The following SEMA4D variants were observed in gnomAD, a reference collection of about 807,000 sequenced individuals.
The protein encoded by SEMA4D is semaphorin-4D.
Under a neutral mutation model 74.8 loss-of-function variants are expected in SEMA4D, and 22 were observed. The ratio of observed to expected loss-of-function variants is 0.29; its 90% CI spans 0.21 to 0.42. The LOEUF (loss-of-function observed/expected upper bound fraction) is 0.42. Ranked by LOEUF, SEMA4D falls within the 10% of genes least tolerant of loss-of-function variation. The pLI is 1.00. For synonymous variants in SEMA4D, 445 were observed against 463.7 expected, an observed-to-expected ratio of 0.96 and a Z score of 0.52; for missense variants, 937 against 1,118.4, an observed-to-expected ratio of 0.84 and a Z score of 2.31.
At chr9:89,443,501 G>A (rs987807673) in intron 2 of SEMA4D, among the ~76,000 whole-genome samples, 1 of 152,228 alleles carries the variant, frequency 6.6e-6, no homozygotes, top group Admixed American at 6.5e-5. Flanking sequence ...GTAAAGCACA[G>A]CGTGGACTCC....
At chr9:89,470,783 A>G (rs908751912) in intron 1 of SEMA4D, among the ~76,000 whole-genome samples, 1 of 152,254 alleles carries the variant, frequency 6.6e-6, no homozygotes, top group Non-Finnish European at 1.5e-5. Flanking sequence ...TGGTGAGTGA[A>G]AGAAGTCAAT....
At chr9:89,386,087 C>T (rs561303395) in intron 13 of SEMA4D, 2 of 985,272 alleles carry the variant, frequency 2.0e-6, no homozygotes, top group Non-Finnish European at 2.4e-6. Context: ...CAGTGCCCAC[C>T]TCTCCACAGC....
intron 2 of SEMA4D, among the ~76,000 whole-genome samples, chr9:89,406,857 G>A (rs529677729): frequency 6.6e-6 from 1 of 152,084 alleles, no homozygotes; most frequent in African/African-American, 2.4e-5. Context: ...AGACACAGCC[G>A]AAACAGAACC....
At chr9:89,430,287 A>G (rs1848985871) in intron 2 of SEMA4D, among the ~76,000 whole-genome samples, 1 of 152,076 alleles carries the variant, frequency 6.6e-6, no homozygotes, top group African/African-American at 2.4e-5. Flanking sequence ...CAAAGAGCAA[A>G]CCCTCCAGAC....
chr9:89,375,354 C>T (rs1196822450), downstream of SEMA4D, among the ~76,000 whole-genome samples: 1 of 152,204 alleles, frequency 6.6e-6, no homozygotes, highest in East Asian at 1.9e-4. Context: ...GTCCGTAGCA[C>T]CCAGTGGAGG....
At chr9:89,463,816 C>T (rs2135771666) in intron 1 of SEMA4D, among the ~76,000 whole-genome samples, 1 of 152,236 alleles carries the variant, frequency 6.6e-6, no homozygotes, top group African/African-American at 2.4e-5. Flanking sequence ...CACCTGTAAT[C>T]CCAGCTACTT....
intron 1 of SEMA4D, among the ~76,000 whole-genome samples, chr9:89,476,334 A>G (rs1861744327): frequency 6.6e-6 from 1 of 152,232 alleles, no homozygotes; most frequent in South Asian, 2.1e-4. Flanking sequence ...GACCAGTGTG[A>G]TGGCTGATGT....
At chr9:89,464,980 C>T (rs749350626) in intron 1 of SEMA4D, among the ~76,000 whole-genome samples, 3 of 152,210 alleles carry the variant, frequency 2.0e-5, no homozygotes. Flanking sequence ...ACCATGTCCT[C>T]TCTATAGCTA....
chr9:89,443,005 C>T (rs576007304), intron 2 of SEMA4D, among the ~76,000 whole-genome samples: 1 of 152,326 alleles, frequency 6.6e-6, no homozygotes, highest in East Asian at 1.9e-4. Flanking sequence ...GGACCGTGCT[C>T]AGCAGCAGGA....
At chr9:89,429,919 C>A (rs1027483750) in intron 2 of SEMA4D, among the ~76,000 whole-genome samples, 18 of 152,040 alleles carry the variant, frequency 1.2e-4, no homozygotes, top group African/African-American at 4.1e-4. Flanking sequence ...TGGGGTCAAG[C>A]TTTGCCAAAT....
In SEMA4D at chr9:89,478,922, G is replaced by A. The variant is rs1862466214; in HGVS notation, c.-310+18997C>T. Among the ~76,000 whole-genome samples, 2 of 152,108 alleles carry A rather than the reference G, an allele frequency of 1.3e-5. 1 individual carries two copies. The highest frequency in any genetic ancestry group is 2.9e-5 in the Non-Finnish European group (2 of 68,006). On this transcript the variant is annotated intron_variant, in intron 1 of 15. Coordinates refer to ENST00000422704, the MANE Select transcript of SEMA4D (RefSeq NM_001371194.2). The stretch of plus-strand genomic sequence containing the variant: ...ATTCTGTGGGTGAGGAGCCTCAGCG[G>A]GCCCCAGCTTCAGTCAGCTCATCTC...
intron 16 of SEMA4D, among the ~76,000 whole-genome samples, chr9:89,371,903 A>ATG (rs1434289534): frequency 8.7e-4 from 1 of 1,146 alleles, no homozygotes; most frequent in Non-Finnish European, 1.2e-3. Context: ...GGGGTGTGGT[A>ATG]TGTGTGTGGT....
intron 2 of SEMA4D, among the ~76,000 whole-genome samples, chr9:89,432,735 G>C (rs959489985): frequency 6.6e-6 from 1 of 152,316 alleles, no homozygotes; most frequent in South Asian, 2.1e-4. Flanking sequence ...TGGAATACAA[G>C]TGTTGGTGAG....
chr9:89,405,265 C>T, intron 3 of SEMA4D, 86 bp downstream of exon 3: 2 of 1,182,510 alleles, frequency 1.7e-6, no homozygotes, highest in Admixed American at 1.8e-5. Context: ...GGGTCCCTGT[C>T]CCGTCCCCAG....
At position 89,386,517 on chromosome 9, in the gene SEMA4D, C is replaced by T. The variant is rs375610041; in HGVS notation, c.1331-35G>A. ...CAAAGCTACAGGTCAGTGACACTAA[C>T]CCAGACACAGAAACCAAGGACAGTG... On this transcript the variant is annotated intron_variant, in intron 12 of 15. Coordinates refer to ENST00000422704, the MANE Select transcript of SEMA4D (RefSeq NM_001371194.2). The T allele has an allele frequency of 1.1e-4, 163 of 1,468,198 alleles. No individual in the cohort carries two copies. In the African/African-American group the frequency reaches 2.1e-3, roughly 19 times the overall value. 90.9% of individuals were successfully genotyped at this position (1,468,198 alleles called of 1,614,324 possible).
At chr9:89,462,950 G>C (rs1857621915) in intron 1 of SEMA4D, among the ~76,000 whole-genome samples, 2 of 117,238 alleles carry the variant, frequency 1.7e-5, no homozygotes, top group Admixed American at 8.0e-5. Context: ...TGGAAAGAAA[G>C]GAGGGGGGAG....
chr9:89,415,739 T>A (rs1183330053), intron 2 of SEMA4D, among the ~76,000 whole-genome samples: 1 of 152,200 alleles, frequency 6.6e-6, no homozygotes, highest in Non-Finnish European at 1.5e-5. Context: ...ACCCAGTCTA[T>A]GACATTTTGT....
At chr9:89,495,917 C>G (rs902428614) in intron 1 of SEMA4D, among the ~76,000 whole-genome samples, 3 of 152,026 alleles carry the variant, frequency 2.0e-5, no homozygotes, top group Non-Finnish European at 4.4e-5. Flanking sequence ...ATTGATTTTG[C>G]TGTTGTGCTG....
At chr9:89,476,616 G>A (rs1231278497) in intron 1 of SEMA4D, among the ~76,000 whole-genome samples, 1 of 152,182 alleles carries the variant, frequency 6.6e-6, no homozygotes, top group Non-Finnish European at 1.5e-5. Flanking sequence ...TCTCCAGCCT[G>A]CTGTATATTT....
Sources: allele counts gnomAD v4.1 joint callset (sites outside exome capture counted in the v4.1 genomes callset), GRCh38; gene constraint gnomAD v4.1.1; transcripts MANE v1.5; gene names NCBI Gene and HGNC (gene_info 2026-07-23, HGNC 2026-07-21).